The following COMMD1 variants were observed in gnomAD, a reference collection of about 807,000 sequenced individuals.
COMMD1 encodes COMM domain-containing protein 1.
Under a neutral mutation model 17.2 loss-of-function variants are expected in COMMD1, and 10 were observed. The observed-to-expected ratio is 0.58, with a 90% CI of 0.36 to 0.99. The LOEUF (loss-of-function observed/expected upper bound fraction) is 0.99, where lower values mean the gene tolerates loss of function less well. Ranked by LOEUF, COMMD1 falls within the 50% of genes least tolerant of loss-of-function variation. The pLI, the probability that COMMD1 is intolerant of heterozygous loss-of-function variation, is 0.01. For synonymous variants in COMMD1, 97 were observed against 91.6 expected (o/e 1.06, Z -0.34); for missense variants, 270 against 231.8 (o/e 1.17, Z -1.07).
chr2:61,987,172 T>C (rs922171785), intron 1 of COMMD1, among the ~76,000 whole-genome samples: 1 of 152,216 alleles, frequency 6.6e-6, no homozygotes. Context: ...CTGCCTTTCT[T>C]TGATTGTTCC....
intron 1 of COMMD1, among the ~76,000 whole-genome samples, chr2:61,893,674 C>A (rs989055062): frequency 1.3e-5 from 2 of 152,004 alleles, no homozygotes; most frequent in African/African-American, 4.8e-5. Flanking sequence ...ATTAGCTGGG[C>A]ATGGTGGCAC....
chr2:62,043,926 C>T (rs1400508394), intron 2 of COMMD1, among the ~76,000 whole-genome samples: 6 of 152,144 alleles, frequency 3.9e-5, no homozygotes, highest in Admixed American at 3.9e-4. Flanking sequence ...AGTCCTGTAT[C>T]ACTCACTGTG....
intron 2 of COMMD1, among the ~76,000 whole-genome samples, chr2:62,004,070 G>T (rs1239741448): frequency 6.6e-6 from 1 of 152,136 alleles, no homozygotes; most frequent in African/African-American, 2.4e-5. Context: ...GGAGGTTGCA[G>T]CAAGCCAAGA....
At chr2:61,919,447 C>T (rs1670130284) in intron 1 of COMMD1, among the ~76,000 whole-genome samples, 1 of 151,920 alleles carries the variant, frequency 6.6e-6, no homozygotes, top group African/African-American at 2.4e-5. Context: ...TCTCAAGTAG[C>T]TGAGACTACA....
intron 2 of COMMD1, among the ~76,000 whole-genome samples, chr2:62,119,468 C>T (rs141701719): frequency 6.6e-6 from 1 of 152,140 alleles, no homozygotes; most frequent in Non-Finnish European, 1.5e-5. Context: ...TACAACTCCA[C>T]CCCAGCCAAA....
At chr2:62,003,875 C>G (rs1262566557) in intron 2 of COMMD1, among the ~76,000 whole-genome samples, 1 of 152,178 alleles carries the variant, frequency 6.6e-6, no homozygotes, top group African/African-American at 2.4e-5. Flanking sequence ...CTTCTGTAAT[C>G]TCAGTACTTT....
chr2:62,007,036 T>G (rs1186891665), intron 2 of COMMD1, among the ~76,000 whole-genome samples: 1 of 152,196 alleles, frequency 6.6e-6, no homozygotes, highest in Non-Finnish European at 1.5e-5. Flanking sequence ...TACTGAACCA[T>G]TTAGTACTGA....
At chr2:62,034,795 T>TA (rs1669997965) in intron 2 of COMMD1, among the ~76,000 whole-genome samples, 6 of 151,886 alleles carry the variant, frequency 4.0e-5, no homozygotes, top group East Asian at 1.9e-4. Context: ...AGAAACAGTT[T>TA]TAAAAAAAAA....
chr2:61,892,457 C>T (rs868574551), intron 1 of COMMD1, among the ~76,000 whole-genome samples: 16 of 151,764 alleles, frequency 1.1e-4, no homozygotes, highest in Non-Finnish European at 1.8e-4. Flanking sequence ...CCTTGGGAGG[C>T]GGAGGAGGGT....
At chr2:62,025,156 G>A (rs913466329) in intron 2 of COMMD1, among the ~76,000 whole-genome samples, 11 of 152,104 alleles carry the variant, frequency 7.2e-5, no homozygotes, top group Non-Finnish European at 1.2e-4. Context: ...GGAGGTGGAG[G>A]TTGCAATGAG....
At chr2:62,132,083 T>C (rs1421333263) in intron 2 of COMMD1, among the ~76,000 whole-genome samples, 1 of 151,560 alleles carries the variant, frequency 6.6e-6, no homozygotes. Context: ...AAGATGGGGT[T>C]TCACCATGTT....
chr2:61,925,486 G>A (rs530408242), intron 1 of COMMD1, among the ~76,000 whole-genome samples: 1 of 152,256 alleles, frequency 6.6e-6, no homozygotes, highest in South Asian at 2.1e-4. Context: ...GTTTATTACA[G>A]GAGGGTGTAG....
chr2:62,004,427 G>A (rs1386905161), intron 2 of COMMD1, among the ~76,000 whole-genome samples: 2 of 151,952 alleles, frequency 1.3e-5, no homozygotes, highest in Non-Finnish European at 2.9e-5. Context: ...CAGCCTCCCC[G>A]AGTAGCTGGG....
At chr2:62,115,853 TTTCTTTC>T (rs376897696) in intron 2 of COMMD1, among the ~76,000 whole-genome samples, 27,239 of 122,726 alleles carry the variant, frequency 0.22, 3,959 homozygotes, top group African/African-American at 0.36. Flanking sequence ...TCTTTCTTTC[TTTCTTTC>T]TTTTTTTTTT....
intron 2 of COMMD1, among the ~76,000 whole-genome samples, chr2:62,096,848 G>A (rs1052535624): frequency 6.6e-6 from 1 of 152,190 alleles, no homozygotes; most frequent in Admixed American, 6.5e-5. Context: ...ATTTTGGTAG[G>A]GAGGATAAGC....
chr2:62,103,988 A>G (rs555304559), intron 2 of COMMD1, among the ~76,000 whole-genome samples: 3 of 152,062 alleles, frequency 2.0e-5, no homozygotes, highest in Admixed American at 1.3e-4. Flanking sequence ...CTGCACACAC[A>G]TGCCACCACA....
intron 2 of COMMD1, among the ~76,000 whole-genome samples, chr2:62,106,641 A>G (rs1170880664): frequency 6.6e-6 from 1 of 152,260 alleles, no homozygotes. Context: ...TGAGACGTAG[A>G]GTCGTCTCAG....
intron 2 of COMMD1, among the ~76,000 whole-genome samples, chr2:62,088,900 T>C (rs1307217161): frequency 6.6e-6 from 1 of 152,150 alleles, no homozygotes; most frequent in Non-Finnish European, 1.5e-5. Flanking sequence ...ATTTAAGAAA[T>C]ACATTGGTCT....
At chr2:61,889,556 G>T (rs1669370772) in intron 1 of COMMD1, among the ~76,000 whole-genome samples, 2 of 152,128 alleles carry the variant, frequency 1.3e-5, no homozygotes, top group Admixed American at 6.5e-5. Context: ...CGCGAGGTGG[G>T]GTGGGCGCCG....
Sources: gnomAD v4.1 joint callset for allele counts (sites outside exome capture counted in the v4.1 genomes callset) on GRCh38, gnomAD v4.1.1 for gene constraint, MANE v1.5 for transcripts, NCBI Gene and HGNC (gene_info 2026-07-23, HGNC 2026-07-21) for gene names.